Variants in SH3D19 observed in about 807,000 individuals in gnomAD.
The protein encoded by SH3D19 is SH3 domain containing 19, also known as SH3 domain-containing protein 19.
A neutral mutation model predicts 112.1 loss-of-function variants in SH3D19; 58 were observed. That is an observed-to-expected ratio of 0.52 (90% CI 0.42 to 0.64). The LOEUF (loss-of-function observed/expected upper bound fraction) is 0.64. SH3D19 is among the 30% of genes least tolerant of loss of function. The pLI is 0.00. For missense variants in SH3D19, 1,090 were observed against 1,263.4 expected, an observed-to-expected ratio of 0.86 and a Z score of 2.08; for synonymous variants, 391 against 448.5, an observed-to-expected ratio of 0.87 and a Z score of 1.62.
intron 11 of SH3D19, among the ~76,000 whole-genome samples, chr4:151,145,030 G>T (rs1304376665): frequency 2.0e-5 from 3 of 152,188 alleles, no homozygotes; most frequent in Non-Finnish European, 4.4e-5. Context: ...ACAGTGCAAG[G>T]ATGTGGCCCT....
intron 6 of SH3D19, among the ~76,000 whole-genome samples, chr4:151,176,029 C>G (rs1358910660): frequency 1.3e-5 from 2 of 152,134 alleles, no homozygotes; most frequent in Non-Finnish European, 1.5e-5. Context: ...TACCACCACA[C>G]TCAGCGAATT....
intron 2 of SH3D19, among the ~76,000 whole-genome samples, chr4:151,208,051 T>G (rs1229455475): frequency 6.6e-6 from 1 of 152,206 alleles, no homozygotes; most frequent in African/African-American, 2.4e-5. Context: ...CTCCAGTTAT[T>G]TAATCAAACA....
intron 9 of SH3D19, among the ~76,000 whole-genome samples, chr4:151,156,074 T>C (rs181403024): frequency 2.0e-5 from 3 of 152,138 alleles, no homozygotes; most frequent in Admixed American, 2.0e-4. Flanking sequence ...CTATTTACGA[T>C]AGCTACAAAA....
intron 8 of SH3D19, among the ~76,000 whole-genome samples, chr4:151,160,697 T>TTC (rs397713570): frequency 6.6e-6 from 1 of 151,472 alleles, no homozygotes; most frequent in Non-Finnish European, 1.5e-5. Flanking sequence ...TTTTTTTTTT[T>TTC]CAAATGTACA....
intron 7 of SH3D19, among the ~76,000 whole-genome samples, chr4:151,174,144 G>A (rs1391812103): frequency 2.0e-5 from 3 of 152,128 alleles, no homozygotes; most frequent in East Asian, 3.8e-4. Flanking sequence ...GTACATTTTC[G>A]AGTCCTCCCC....
At chr4:151,314,481 A>G (rs1729798174) in intron 1 of SH3D19, among the ~76,000 whole-genome samples, 1 of 152,178 alleles carries the variant, frequency 6.6e-6, no homozygotes. Context: ...AAAACGGTGG[A>G]GTGGGGGCCT....
At chr4:151,310,032 C>T (rs1057193792) in intron 1 of SH3D19, among the ~76,000 whole-genome samples, 5 of 151,328 alleles carry the variant, frequency 3.3e-5, no homozygotes, top group African/African-American at 9.7e-5. Context: ...GCCTGTAATC[C>T]CAGCACTTTG....
At chr4:151,218,680 T>C (rs1439516258) in intron 2 of SH3D19, among the ~76,000 whole-genome samples, 1 of 152,224 alleles carries the variant, frequency 6.6e-6, no homozygotes, top group East Asian at 1.9e-4. Context: ...TGTGGATCCT[T>C]TCCTGGCCCA....
chr4:151,240,404 ATG>A (rs1770464059), intron 1 of SH3D19, among the ~76,000 whole-genome samples: 1 of 151,270 alleles, frequency 6.6e-6, no homozygotes, highest in African/African-American at 2.4e-5. Flanking sequence ...AAGCAAGAAC[ATG>A]TCTCTTAAAA....
At chr4:151,248,932 G>A (rs75105543) in intron 1 of SH3D19, among the ~76,000 whole-genome samples, 351 of 152,222 alleles carry the variant, frequency 2.3e-3, no homozygotes, top group Middle Eastern at 6.8e-3. Flanking sequence ...AAGTAACTAA[G>A]TTAAGTTTTT....
At chr4:151,257,119 G>C (rs1206581291) in intron 1 of SH3D19, among the ~76,000 whole-genome samples, 2 of 150,940 alleles carry the variant, frequency 1.3e-5, no homozygotes, top group East Asian at 1.9e-4. Context: ...ATGAAGTCTT[G>C]CTCTGTTTTC....
intron 1 of SH3D19, among the ~76,000 whole-genome samples, chr4:151,236,709 T>C (rs6535775): frequency 0.79 from 120,056 of 151,526 alleles, 49,772 homozygotes; most frequent in Non-Finnish European, 0.93. Context: ...TTTGTAAATG[T>C]ACCAATCAGC....
chr4:151,237,239 A>C (rs952839612), intron 1 of SH3D19, among the ~76,000 whole-genome samples: 2 of 152,248 alleles, frequency 1.3e-5, no homozygotes, highest in Non-Finnish European at 2.9e-5. Flanking sequence ...TCATTCTTGA[A>C]GTCAGCAAGA....
chr4:151,290,474 GTCT>G (rs1214949051), intron 1 of SH3D19, among the ~76,000 whole-genome samples: 2 of 152,182 alleles, frequency 1.3e-5, no homozygotes, highest in African/African-American at 4.8e-5. Flanking sequence ...TATATGAAAT[GTCT>G]AAAATAGGCA....
At chr4:151,264,543 T>C (rs771768260) in intron 1 of SH3D19, among the ~76,000 whole-genome samples, 7 of 152,072 alleles carry the variant, frequency 4.6e-5, no homozygotes, top group African/African-American at 9.7e-5. Context: ...CTGAAGATCA[T>C]TGGAGGCCAT....
chr4:151,294,096 G>A (rs1775540148), intron 1 of SH3D19, among the ~76,000 whole-genome samples: 1 of 152,172 alleles, frequency 6.6e-6, no homozygotes, highest in Non-Finnish European at 1.5e-5. Flanking sequence ...TTATGTAGTT[G>A]TCTAATTAAC....
intron 1 of SH3D19, among the ~76,000 whole-genome samples, chr4:151,229,052 T>G (rs978824346): frequency 1.2e-3 from 185 of 150,678 alleles, no homozygotes; most frequent in African/African-American, 4.2e-3. Flanking sequence ...TTTTTTTTTT[T>G]GTAGAGACAG....
chr4:151,260,541 C>T (rs1039289332), intron 1 of SH3D19, among the ~76,000 whole-genome samples: 1 of 152,178 alleles, frequency 6.6e-6, no homozygotes, highest in African/African-American at 2.4e-5. Context: ...AACATAGCTA[C>T]CCCTGGACCT....
chr4:151,257,496 C>T (rs1027054797), intron 1 of SH3D19, among the ~76,000 whole-genome samples: 2 of 152,164 alleles, frequency 1.3e-5, no homozygotes, highest in Non-Finnish European at 2.9e-5. Context: ...TTACTGTACA[C>T]ATGATGCCCT....
Sources: gnomAD v4.1 joint callset for allele counts (sites outside exome capture counted in the v4.1 genomes callset) on GRCh38, gnomAD v4.1.1 for gene constraint, MANE v1.5 for transcripts, NCBI Gene and HGNC (gene_info 2026-07-23, HGNC 2026-07-21) for gene names.